Variants in SAMMSON observed in about 807,000 individuals in gnomAD.
SAMMSON encodes survival associated mitochondrial melanoma specific oncogenic non-coding RNA.
intron 4 of SAMMSON, among the ~76,000 whole-genome samples, chr3:70,113,388 C>T (rs1164629190): frequency 6.6e-6 from 1 of 152,188 alleles, no homozygotes. Context: ...ATTCATGTGA[C>T]TGCACATAAA....
downstream of SAMMSON, among the ~76,000 whole-genome samples, chr3:70,393,801 G>A (rs569732280): frequency 1.3e-5 from 2 of 152,200 alleles, no homozygotes; most frequent in African/African-American, 4.8e-5. Context: ...AGGTAGGGGC[G>A]GAGCTCAGAC....
intron 4 of SAMMSON, among the ~76,000 whole-genome samples, chr3:70,238,495 C>T (rs1284376366): frequency 1.3e-5 from 2 of 151,790 alleles, no homozygotes; most frequent in African/African-American, 2.4e-5. Flanking sequence ...TGCCTGTGGT[C>T]TCAGCTACTT....
chr3:70,285,585 G>A (rs1219131585), intron 6 of SAMMSON, among the ~76,000 whole-genome samples: 1 of 151,692 alleles, frequency 6.6e-6, no homozygotes, highest in Non-Finnish European at 1.5e-5. Context: ...TAATGGGATG[G>A]CTGTGTCAAA....
intron 4 of SAMMSON, among the ~76,000 whole-genome samples, chr3:70,122,843 T>G (rs1424561410): frequency 6.6e-6 from 1 of 152,216 alleles, no homozygotes; most frequent in Non-Finnish European, 1.5e-5. Context: ...GCTTTTCAAT[T>G]TTTAAATTGT....
intron 9 of SAMMSON, among the ~76,000 whole-genome samples, chr3:70,387,584 T>G (rs771800921): frequency 6.6e-6 from 1 of 152,116 alleles, no homozygotes; most frequent in Non-Finnish European, 1.5e-5. Flanking sequence ...ATCGTTTTCA[T>G]TTTCAGCTAT....
chr3:70,022,068 A>G (rs1366755434), intron 3 of SAMMSON, among the ~76,000 whole-genome samples: 1 of 152,082 alleles, frequency 6.6e-6, no homozygotes, highest in Non-Finnish European at 1.5e-5. Flanking sequence ...CTGGAAGGCA[A>G]CATCTTAACG....
intron 1 of SAMMSON, among the ~76,000 whole-genome samples, chr3:70,000,140 A>G (rs1486045655): frequency 2.0e-5 from 3 of 152,180 alleles, no homozygotes; most frequent in Non-Finnish European, 4.4e-5. Flanking sequence ...CTAAGAGAGC[A>G]CCCAGTAACA....
chr3:70,223,626 A>C (rs1701478990), intron 4 of SAMMSON, among the ~76,000 whole-genome samples: 1 of 152,106 alleles, frequency 6.6e-6, no homozygotes, highest in South Asian at 2.1e-4. Flanking sequence ...CTTACAGGCT[A>C]TTTCCTGGTA....
intron 6 of SAMMSON, among the ~76,000 whole-genome samples, chr3:70,269,250 A>T (rs1269840930): frequency 1.3e-5 from 2 of 152,258 alleles, no homozygotes; most frequent in African/African-American, 4.8e-5. Flanking sequence ...TCATAAAAGA[A>T]CCAATAAATT....
chr3:70,168,260 T>A (rs2067645878), intron 4 of SAMMSON, among the ~76,000 whole-genome samples: 1 of 151,982 alleles, frequency 6.6e-6, no homozygotes, highest in Non-Finnish European at 1.5e-5. Context: ...TTCTAGCTGT[T>A]GTCTTGAATG....
chr3:70,413,272 A>G (rs554396862), intron 2 of SAMMSON, among the ~76,000 whole-genome samples: 1 of 152,250 alleles, frequency 6.6e-6, no homozygotes, highest in East Asian at 1.9e-4. Flanking sequence ...TTTTTCCTAT[A>G]TGTCAAGCTG....
At chr3:70,001,296 A>G (rs74665320) in intron 1 of SAMMSON, among the ~76,000 whole-genome samples, 1,567 of 152,196 alleles carry the variant, frequency 0.01, 24 homozygotes, top group African/African-American at 0.035. Flanking sequence ...GTAGAATTAC[A>G]TCCTTTATTC....
chr3:70,238,728 C>CATATTT (rs1197316607), intron 4 of SAMMSON, among the ~76,000 whole-genome samples: 1 of 152,012 alleles, frequency 6.6e-6, no homozygotes, highest in African/African-American at 2.4e-5. Flanking sequence ...TTTGGGTCCC[C>CATATTT]ATATTTAGTT....
At chr3:70,151,746 G>T (rs4437105) in intron 4 of SAMMSON, among the ~76,000 whole-genome samples, 82,831 of 148,926 alleles carry the variant, frequency 0.56, 23,843 homozygotes, top group Non-Finnish European at 0.63. Flanking sequence ...TAAATGGGTT[G>T]TTTTTCTTTT....
At chr3:70,345,577 A>C (rs980178751) in intron 7 of SAMMSON, among the ~76,000 whole-genome samples, 3 of 152,156 alleles carry the variant, frequency 2.0e-5, no homozygotes, top group Non-Finnish European at 4.4e-5. Flanking sequence ...AGTGTCATCT[A>C]TTCACCAGTA....
intron 7 of SAMMSON, among the ~76,000 whole-genome samples, chr3:70,295,410 A>G (rs1702279987): frequency 2.0e-5 from 3 of 152,178 alleles, no homozygotes. Flanking sequence ...AGGCTTACAT[A>G]CCATAATGAA....
At chr3:70,044,318 G>C (rs1403101033) in intron 3 of SAMMSON, among the ~76,000 whole-genome samples, 5 of 152,072 alleles carry the variant, frequency 3.3e-5, no homozygotes, top group East Asian at 1.9e-4. Context: ...TTGCGCTTAG[G>C]GGGTAAAGGG....
intron 9 of SAMMSON, among the ~76,000 whole-genome samples, chr3:70,381,603 A>G (rs763822468): frequency 4.6e-5 from 7 of 152,194 alleles, no homozygotes. Flanking sequence ...TACAGAGTAC[A>G]TGTTGCACAT....
intron 9 of SAMMSON, among the ~76,000 whole-genome samples, chr3:70,370,757 T>A (rs929140682): frequency 6.6e-6 from 1 of 152,098 alleles, no homozygotes; most frequent in Non-Finnish European, 1.5e-5. Context: ...CTTTCTTTCA[T>A]TCAACAGGTT....
Sources: allele counts gnomAD v4.1 joint callset (sites outside exome capture counted in the v4.1 genomes callset), GRCh38; gene constraint gnomAD v4.1.1; transcripts MANE v1.5; gene names NCBI Gene and HGNC (gene_info 2026-07-23, HGNC 2026-07-21).